The following CIROZ variants were observed in gnomAD, a reference collection of about 807,000 sequenced individuals.
CIROZ encodes ciliated left-right organizer ZP-N domains-containing protein.
the CIROZ span, among the ~76,000 whole-genome samples, chr1:10,968,347 T>C: frequency 6.6e-6 from 1 of 152,234 alleles, no homozygotes; most frequent in Admixed American, 6.5e-5. Flanking sequence ...TTTCAAATGC[T>C]TGACTCGACT....
the CIROZ span, among the ~76,000 whole-genome samples, chr1:10,955,416 C>A: frequency 6.6e-6 from 1 of 152,202 alleles, no homozygotes; most frequent in Non-Finnish European, 1.5e-5. Context: ...ACCTGACAGA[C>A]CTTGCCACTT....
At chr1:10,977,874 C>T in the CIROZ span, among the ~76,000 whole-genome samples, 1 of 152,026 alleles carries the variant, frequency 6.6e-6, no homozygotes, top group African/African-American at 2.4e-5. Flanking sequence ...TTGTTTATTC[C>T]AAATTTCTGT....
At chr1:10,949,003 T>C in the CIROZ span, 1 of 589,974 alleles carries the variant, frequency 1.7e-6, no homozygotes, top group Non-Finnish European at 2.6e-6. Flanking sequence ...GGCGGGTGGA[T>C]CACTTGAGGC....
chr1:10,951,745 A>AAAATATAT, the CIROZ span, among the ~76,000 whole-genome samples: 1 of 119,206 alleles, frequency 8.4e-6, no homozygotes, highest in Non-Finnish European at 1.7e-5. Context: ...AAAAAAAAAA[A>AAAATATAT]ATATATATAT....
the CIROZ span, among the ~76,000 whole-genome samples, chr1:10,951,447 C>T: frequency 6.6e-6 from 1 of 151,234 alleles, no homozygotes; most frequent in African/African-American, 2.5e-5. Context: ...CTTGTAATCC[C>T]AGCTACTCGG....
chr1:10,951,745 A>AAAAAAAAAAATAT, the CIROZ span, among the ~76,000 whole-genome samples: 22 of 119,180 alleles, frequency 1.8e-4, no homozygotes, highest in Non-Finnish European at 2.8e-4. Context: ...AAAAAAAAAA[A>AAAAAAAAAAATAT]ATATATATAT....
At chr1:10,978,615 T>C in the CIROZ span, among the ~76,000 whole-genome samples, 1 of 151,388 alleles carries the variant, frequency 6.6e-6, no homozygotes, top group South Asian at 2.1e-4. Flanking sequence ...GAGGCTGAGG[T>C]GGGAGGATTG....
At chr1:10,975,922 C>T in the CIROZ span, among the ~76,000 whole-genome samples, 1 of 152,098 alleles carries the variant, frequency 6.6e-6, no homozygotes, top group Non-Finnish European at 1.5e-5. Flanking sequence ...GCACCGAGCT[C>T]TGAGTCAGAG....
At chr1:10,951,343 T>G in the CIROZ span, among the ~76,000 whole-genome samples, 554 of 152,086 alleles carry the variant, frequency 3.6e-3, 11 homozygotes, top group South Asian at 8.3e-3. Flanking sequence ...GGCGGCTGGA[T>G]CACCTGAGGT....
chr1:10,958,399 T>C, the CIROZ span, among the ~76,000 whole-genome samples: 1 of 152,236 alleles, frequency 6.6e-6, no homozygotes, highest in Non-Finnish European at 1.5e-5. Context: ...ACAAGCTCCC[T>C]GTCACTGGAG....
the CIROZ span, chr1:10,947,665 A>C: frequency 2.0e-6 from 3 of 1,490,576 alleles, no homozygotes; most frequent in Non-Finnish European, 2.7e-6. Context: ...ATGGAGGCTC[A>C]GCGTGAGGGC....
the CIROZ span, among the ~76,000 whole-genome samples, chr1:10,963,920 G>C: frequency 3.9e-4 from 60 of 151,936 alleles, no homozygotes; most frequent in Non-Finnish European, 7.4e-4. Flanking sequence ...CATCTCACTC[G>C]TCCTTGCTCA....
chr1:10,950,428 C>T, the CIROZ span, among the ~76,000 whole-genome samples: 1 of 152,176 alleles, frequency 6.6e-6, no homozygotes, highest in South Asian at 2.1e-4. Context: ...CAGATGGTTT[C>T]GTCTTTTGAG....
the CIROZ span, chr1:10,964,406 G>T: frequency 9.1e-7 from 1 of 1,098,062 alleles, no homozygotes; most frequent in Non-Finnish European, 1.3e-6. Flanking sequence ...GTGGAAGAGG[G>T]ATGGGAAACG....
the CIROZ span, chr1:10,948,636 A>C: frequency 6.2e-7 from 1 of 1,613,666 alleles, no homozygotes; most frequent in South Asian, 1.1e-5. Flanking sequence ...CGTTGGCAAG[A>C]CTGGACGTGG....
At chr1:10,968,455 C>T in the CIROZ span, among the ~76,000 whole-genome samples, 3 of 152,128 alleles carry the variant, frequency 2.0e-5, no homozygotes, top group African/African-American at 4.8e-5. Flanking sequence ...TTCAAAAGCA[C>T]GCAGCTTCCA....
At chr1:10,972,422 C>G in the CIROZ span, among the ~76,000 whole-genome samples, 1,970 of 112,574 alleles carry the variant, frequency 0.017, 37 homozygotes, top group African/African-American at 0.086. Flanking sequence ...CTCTGAAATA[C>G]ACACACACAC....
At chr1:10,953,191 C>T in the CIROZ span, among the ~76,000 whole-genome samples, 1 of 152,186 alleles carries the variant, frequency 6.6e-6, no homozygotes, top group Non-Finnish European at 1.5e-5. Context: ...TTTTGTGCAA[C>T]ACCGAAACAT....
chr1:10,963,469 T>C, the CIROZ span, among the ~76,000 whole-genome samples: 1 of 152,170 alleles, frequency 6.6e-6, no homozygotes, highest in Non-Finnish European at 1.5e-5. Flanking sequence ...TGCTTCCTCC[T>C]CAGTCCAGCA....
Sources: allele counts gnomAD v4.1 joint callset (sites outside exome capture counted in the v4.1 genomes callset), GRCh38; gene constraint gnomAD v4.1.1; transcripts MANE v1.5; gene names NCBI Gene and HGNC (gene_info 2026-07-23, HGNC 2026-07-21).